The following AGBL3 variants were observed in gnomAD, a reference collection of about 807,000 sequenced individuals.
AGBL3 encodes AGBL carboxypeptidase 3, also known as cytosolic carboxypeptidase 3.
Under a neutral mutation model 94.5 loss-of-function variants are expected in AGBL3, and 68 were observed. That is an observed-to-expected ratio of 0.72 (90% CI 0.59 to 0.88). The LOEUF (loss-of-function observed/expected upper bound fraction) is 0.88, where lower values mean the gene tolerates loss of function less well. Ranked by LOEUF, AGBL3 falls within the 40% of genes least tolerant of loss-of-function variation. The pLI is 0.00. For missense variants in AGBL3, 934 were observed against 1,103.8 expected, an observed-to-expected ratio of 0.85 and a Z score of 2.18; for synonymous variants, 354 against 370.7, an observed-to-expected ratio of 0.95 and a Z score of 0.52.
rs144384199 is a variant in AGBL3, at chr7:135,018,446, A to C, written c.418+1287A>C. On this transcript the variant is annotated intron_variant, in intron 5 of 16. Coordinates refer to ENST00000436302, the MANE Select transcript of AGBL3 (RefSeq NM_178563.4). ...CAGATCAGCCTCTTTGGAAACGTAT[A>C]ATGTGGAGAAGAGTAGAGGATAGAT... is the stretch of plus-strand genomic sequence containing the variant. 1.4e-4 allele frequency among the ~76,000 whole-genome samples: 22 copies of C among 152,358 alleles called. No individual in the cohort carries two copies. In the East Asian group the frequency reaches 4.0e-3, roughly 28 times the overall value.
At chr7:135,118,947 A>G (rs973280011) in intron 16 of AGBL3, among the ~76,000 whole-genome samples, 1 of 152,162 alleles carries the variant, frequency 6.6e-6, no homozygotes, top group Non-Finnish European at 1.5e-5. Flanking sequence ...AGAGAGATAG[A>G]AAAATAGAAA....
chr7:135,059,079 C>A, intron 11 of AGBL3, 90 bp from the exon 12 acceptor site: 1 of 1,040,772 alleles, frequency 9.6e-7, no homozygotes, highest in Non-Finnish European at 1.4e-6. Context: ...TAGAACTTTT[C>A]AACCATTCAA....
chr7:135,050,669 C>T (rs1339983458), intron 11 of AGBL3, among the ~76,000 whole-genome samples: 2 of 151,886 alleles, frequency 1.3e-5, no homozygotes, highest in African/African-American at 4.8e-5. Context: ...TAATATCTTT[C>T]TTTGTCTCTC....
At chr7:135,008,030 GACTT>G (rs1291662293) in intron 4 of AGBL3, among the ~76,000 whole-genome samples, 1 of 151,896 alleles carries the variant, frequency 6.6e-6, no homozygotes, top group Non-Finnish European at 1.5e-5. Context: ...TGGATCAAAA[GACTT>G]ACTATTATTA....
chr7:135,128,576 A>T lies in AGBL3; in HGVS notation c.2343-6265A>T, dbSNP rs578181940. Reference sequence around the variant, plus strand: ...CTATTTGGATTTGCCATAGAATTTCAAGATGTTTGTGAGCGCTATCTGCTC... The same window carrying T: ...CTATTTGGATTTGCCATAGAATTTCTAGATGTTTGTGAGCGCTATCTGCTC... On this transcript the variant is annotated intron_variant, in intron 16 of 16. Coordinates refer to ENST00000436302, the MANE Select transcript of AGBL3 (RefSeq NM_178563.4). 9.1e-6 allele frequency: 7 copies of T among 770,740 alleles called. No individual in the cohort carries two copies. In the South Asian group the frequency reaches 9.4e-5, roughly 10 times the overall value. The allele number at this position is 770,740 out of a possible 1,614,324, so 47.7% of individuals were successfully genotyped here.
intron 4 of AGBL3, among the ~76,000 whole-genome samples, chr7:135,002,797 C>T (rs978022644): frequency 6.6e-6 from 1 of 152,112 alleles, no homozygotes; most frequent in Non-Finnish European, 1.5e-5. Flanking sequence ...ATATTGTTTA[C>T]TTGATATGTG....
At chr7:135,068,635 A>T (rs1819591031) in intron 12 of AGBL3, among the ~76,000 whole-genome samples, 1 of 152,192 alleles carries the variant, frequency 6.6e-6, no homozygotes, top group Non-Finnish European at 1.5e-5. Flanking sequence ...CAGCCAAACT[A>T]AACTTCATAA....
intron 16 of AGBL3, among the ~76,000 whole-genome samples, chr7:135,133,095 ACAC>A (rs1462097913): frequency 7.2e-6 from 1 of 138,124 alleles, no homozygotes; most frequent in African/African-American, 2.7e-5. Context: ...ACACACACAC[ACAC>A]AACCTTTAGA....
intron 12 of AGBL3, among the ~76,000 whole-genome samples, chr7:135,061,222 C>A (rs76579103): frequency 0.05 from 7,649 of 152,100 alleles, 259 homozygotes; most frequent in Non-Finnish European, 0.08. Flanking sequence ...AGAGCCTTTG[C>A]TCATTTTTTA....
chr7:135,114,550 C>T (rs1227449432), intron 15 of AGBL3, among the ~76,000 whole-genome samples: 2 of 152,098 alleles, frequency 1.3e-5, no homozygotes, highest in African/African-American at 2.4e-5. Context: ...TTTCCTCAAA[C>T]TAGAAGCTTT....
chr7:135,048,706 T>G lies in AGBL3; in HGVS notation c.1841+2795T>G, dbSNP rs1817598753. Reference sequence around the variant, plus strand: ...AACACAATGGATTTTTGTATGCAGATTTTGTAACCTGTAACTTTCTGAGTT... The same window carrying G: ...AACACAATGGATTTTTGTATGCAGAGTTTGTAACCTGTAACTTTCTGAGTT... On this transcript the variant is annotated intron_variant, in intron 11 of 16. Transcript: ENST00000436302. Among the ~76,000 whole-genome samples the G allele has an allele frequency of 2.6e-5, 4 of 151,642 alleles. No homozygotes were observed. The Admixed American group carries it at 2.6e-4, about 10-fold the overall frequency.
intron 16 of AGBL3, among the ~76,000 whole-genome samples, chr7:135,122,034 A>C (rs961113073): frequency 6.6e-6 from 1 of 152,204 alleles, no homozygotes; most frequent in Admixed American, 6.5e-5. Context: ...GGGAGGCATG[A>C]CCAGCACCAC....
At chr7:135,044,530 TC>T (rs777423997) in intron 9 of AGBL3, among the ~76,000 whole-genome samples, 14 of 152,118 alleles carry the variant, frequency 9.2e-5, no homozygotes, top group Non-Finnish European at 1.5e-4. Flanking sequence ...AGCACTTGGT[TC>T]CCTGAACAAA....
intron 4 of AGBL3, among the ~76,000 whole-genome samples, chr7:135,014,585 A>T (rs1018053129): frequency 2.6e-5 from 4 of 152,302 alleles, no homozygotes; most frequent in African/African-American, 9.6e-5. Context: ...TGCTATACTG[A>T]TGGTTAGGAC....
intron 5 of AGBL3, among the ~76,000 whole-genome samples, chr7:135,021,293 CTTT>C (rs1198934867): frequency 1.4e-5 from 2 of 140,886 alleles, no homozygotes; most frequent in Admixed American, 7.1e-5. Context: ...CATCATTTTA[CTTT>C]TTTTTTTTTT....
At chr7:135,002,391 C>T (rs1811824541) in intron 4 of AGBL3, among the ~76,000 whole-genome samples, 1 of 152,100 alleles carries the variant, frequency 6.6e-6, no homozygotes, top group Non-Finnish European at 1.5e-5. Flanking sequence ...TACTGCTAAT[C>T]AGGGAAGCTC....
intron 12 of AGBL3, among the ~76,000 whole-genome samples, chr7:135,065,125 AT>A (rs1819170873): frequency 6.6e-6 from 1 of 152,214 alleles, no homozygotes; most frequent in Non-Finnish European, 1.5e-5. Context: ...AGATATTGAC[AT>A]TTTTAACAAA....
intron 15 of AGBL3, chr7:135,100,150 T>C (rs1823592856): frequency 2.0e-5 from 3 of 151,418 alleles, no homozygotes; most frequent in African/African-American, 7.3e-5. Context: ...CCTCCCAAAA[T>C]GCTGGGATTA....
rs547773953 is a variant in AGBL3 at position 135,106,589 on chromosome 7, T to C, written c.2111-8791T>C. Among the ~76,000 whole-genome samples the C allele has an allele frequency of 5.9e-5, 9 of 152,356 alleles. No individual in the cohort carries two copies. The South Asian group carries it at 1.9e-3, about 32-fold the overall frequency. On this transcript the variant is annotated intron_variant, in intron 15 of 16. Coordinates refer to ENST00000436302, the MANE Select transcript of AGBL3 (RefSeq NM_178563.4). ...TACTTGATCATGGTGGATTAGCTTT[T>C]TGATGTGCTGCTGGATTTGGTTTGC...
Sources: gnomAD v4.1 joint callset for allele counts (sites outside exome capture counted in the v4.1 genomes callset) on GRCh38, gnomAD v4.1.1 for gene constraint, MANE v1.5 for transcripts, NCBI Gene and HGNC (gene_info 2026-07-23, HGNC 2026-07-21) for gene names.